The following IL1RAPL2 variants were observed in gnomAD, a reference collection of about 807,000 sequenced individuals.
IL1RAPL2 encodes the protein interleukin 1 receptor accessory protein like 2, also known as X-linked interleukin-1 receptor accessory protein-like 2.
IL1RAPL2 carries 3 observed loss-of-function variants against 44.1 expected under a neutral mutation model. The observed-to-expected ratio is 0.07, with a 90% CI of 0.03 to 0.18. The LOEUF (loss-of-function observed/expected upper bound fraction) is 0.18. Ranked by LOEUF, IL1RAPL2 falls within the 10% of genes least tolerant of loss-of-function variation. The pLI is 1.00. For synonymous variants in IL1RAPL2, 181 were observed against 178.8 expected, an observed-to-expected ratio of 1.01 and a Z score of -0.10; for missense variants, 391 against 496.4, an observed-to-expected ratio of 0.79 and a Z score of 2.02.
At chrX:105,031,340 T>C (rs1413307007) in intron 2 of IL1RAPL2, among the ~76,000 whole-genome samples, 1 of 109,305 alleles carries the variant, frequency 9.1e-6, no homozygotes, top group Non-Finnish European at 1.9e-5. Context: ...AAGGGAATGC[T>C]TCCAGTTTTT....
In IL1RAPL2 at chrX:104,772,040, T is replaced by G. The variant is rs958585032; in HGVS notation, c.82+113045T>G. ...CTAGGAGTTATACTTTGTGTGACCC[T>G]AGAAGAGTCTATTAGATGGTCTGGA... On this transcript the variant is annotated intron_variant, in intron 2 of 10. Transcript: ENST00000372582. Among the ~76,000 whole-genome samples the G allele has an allele frequency of 1.2e-4, 13 of 111,689 alleles. No homozygotes were observed. In the Admixed American group the frequency reaches 1.2e-3, roughly 11 times the overall value.
At chrX:105,114,964 A>G (rs1221469455) in intron 2 of IL1RAPL2, among the ~76,000 whole-genome samples, 1 of 112,136 alleles carries the variant, frequency 8.9e-6, no homozygotes, top group African/African-American at 3.2e-5. Context: ...GGCACATGAT[A>G]GAAGTTCAGA....
At chrX:104,665,752 T>C (rs1209005048) in intron 2 of IL1RAPL2, among the ~76,000 whole-genome samples, 1 of 111,353 alleles carries the variant, frequency 9.0e-6, no homozygotes. Flanking sequence ...CTGTGAAATA[T>C]TCCATTGTGT....
intron 5 of IL1RAPL2, among the ~76,000 whole-genome samples, chrX:105,418,976 C>T (rs987069325): frequency 2.7e-5 from 3 of 112,119 alleles, no homozygotes; most frequent in Non-Finnish European, 3.8e-5. Flanking sequence ...TTAATCTCCA[C>T]AGTCATTGGC....
At chrX:105,617,599 A>G (rs1306424707) in intron 6 of IL1RAPL2, among the ~76,000 whole-genome samples, 2 of 111,576 alleles carry the variant, frequency 1.8e-5, no homozygotes, top group Non-Finnish European at 3.8e-5. Flanking sequence ...AACAATAGCT[A>G]TTTCTTGCTT....
At chrX:105,690,136 G>A (rs1291917364) in intron 6 of IL1RAPL2, among the ~76,000 whole-genome samples, 2 of 110,708 alleles carry the variant, frequency 1.8e-5, no homozygotes, top group Admixed American at 9.6e-5. Context: ...GTCGATAGGT[G>A]CAGCAAACCA....
At chrX:105,551,205 G>A (rs939767766) in intron 6 of IL1RAPL2, among the ~76,000 whole-genome samples, 1 of 108,640 alleles carries the variant, frequency 9.2e-6, no homozygotes, top group Non-Finnish European at 1.9e-5. Flanking sequence ...CAAAATTTCA[G>A]GATCCCATTA....
At chrX:105,583,302 T>C (rs776473192) in intron 6 of IL1RAPL2, among the ~76,000 whole-genome samples, 5 of 110,085 alleles carry the variant, frequency 4.5e-5, no homozygotes, top group Non-Finnish European at 9.5e-5. Flanking sequence ...TCCCGGCTAA[T>C]TTTTTGCATT....
intron 1 of IL1RAPL2, among the ~76,000 whole-genome samples, chrX:104,582,640 C>CTTTCTTTCTTTCTTTCTT (rs1190837162): frequency 1.9e-5 from 1 of 52,597 alleles, no homozygotes; most frequent in African/African-American, 7.9e-5. Flanking sequence ...TTCTTTCTTT[C>CTTTCTTTCTTTCTTTCTT]TCTCTTTCTT....
intron 1 of IL1RAPL2, among the ~76,000 whole-genome samples, chrX:104,629,703 A>G (rs1011188008): frequency 5.4e-5 from 6 of 111,026 alleles, no homozygotes; most frequent in African/African-American, 2.0e-4. Flanking sequence ...GTTGATCTTT[A>G]TATATGGTGA....
intron 2 of IL1RAPL2, among the ~76,000 whole-genome samples, chrX:104,821,539 T>C (rs58948296): frequency 0.011 from 1,220 of 111,799 alleles, 13 homozygotes; most frequent in African/African-American, 0.037. Context: ...AATGATAGTT[T>C]CCAGCTTCAT....
chrX:105,189,948 A>C (rs1036797224), intron 2 of IL1RAPL2, among the ~76,000 whole-genome samples: 2 of 112,085 alleles, frequency 1.8e-5, no homozygotes, highest in African/African-American at 6.5e-5. Context: ...TAAGATTATA[A>C]GTTCTGTGTC....
chrX:104,934,767 T>G (rs1179392507), intron 2 of IL1RAPL2, among the ~76,000 whole-genome samples: 1 of 112,399 alleles, frequency 8.9e-6, no homozygotes, highest in Non-Finnish European at 1.9e-5. Context: ...CTCTAAAGTT[T>G]CTTTTAAAGT....
intron 6 of IL1RAPL2, among the ~76,000 whole-genome samples, chrX:105,669,166 G>A (rs900944580): frequency 9.0e-5 from 10 of 111,603 alleles, no homozygotes; most frequent in African/African-American, 3.3e-4. Flanking sequence ...ACTTATTTTT[G>A]TGAGTTATGT....
chrX:104,847,464 T>G (rs1487939295), intron 2 of IL1RAPL2, among the ~76,000 whole-genome samples: 2 of 111,580 alleles, frequency 1.8e-5, no homozygotes, highest in African/African-American at 3.3e-5. Context: ...TTTCCCCATT[T>G]CTTGTTTTTG....
intron 1 of IL1RAPL2, among the ~76,000 whole-genome samples, chrX:104,610,456 G>A (rs1048247535): frequency 8.1e-5 from 9 of 111,793 alleles, no homozygotes; most frequent in Non-Finnish European, 1.5e-4. Context: ...AAATCAATGT[G>A]CAAAAATCAC....
At chrX:105,466,167 A>G (rs1216966720) in intron 5 of IL1RAPL2, among the ~76,000 whole-genome samples, 3 of 110,931 alleles carry the variant, frequency 2.7e-5, no homozygotes, top group Non-Finnish European at 3.8e-5. Flanking sequence ...GGTTTATAGG[A>G]AGCTAACATT....
At chrX:105,683,170 C>T (rs2037939867) in intron 6 of IL1RAPL2, among the ~76,000 whole-genome samples, 1 of 111,548 alleles carries the variant, frequency 9.0e-6, no homozygotes, top group African/African-American at 3.3e-5. Flanking sequence ...GAAACAACAA[C>T]AATTACAACA....
intron 2 of IL1RAPL2, among the ~76,000 whole-genome samples, chrX:104,691,862 C>T (rs780686910): frequency 2.0e-4 from 22 of 111,104 alleles, no homozygotes; most frequent in Non-Finnish European, 3.2e-4. Context: ...TGTATGGTAA[C>T]GATAGAGTGA....
Sources: allele counts gnomAD v4.1 joint callset (sites outside exome capture counted in the v4.1 genomes callset), GRCh38; gene constraint gnomAD v4.1.1; transcripts MANE v1.5; gene names NCBI Gene and HGNC (gene_info 2026-07-23, HGNC 2026-07-21).